CACNA1E: variants seen among roughly 807,000 people sequenced by gnomAD.
CACNA1E encodes the protein voltage-dependent R-type calcium channel subunit alpha-1E.
Under a neutral mutation model 259.2 loss-of-function variants are expected in CACNA1E, and 40 were observed. That is an observed-to-expected ratio of 0.15 (90% CI 0.12 to 0.20). CACNA1E has a LOEUF of 0.20. Among genes scored for constraint, CACNA1E ranks in the 10% least tolerant of loss-of-function variants. CACNA1E has a pLI of 1.00. For synonymous variants in CACNA1E, 1,104 were observed against 1,138.5 expected (o/e 0.97, Z 0.61); for missense variants, 1,874 against 3,040.1 (o/e 0.62, Z 9.02).
chr1:181,548,794 C>T (rs1041513001), intron 3 of CACNA1E, among the ~76,000 whole-genome samples: 2 of 152,210 alleles, frequency 1.3e-5, no homozygotes, highest in African/African-American at 2.4e-5. Context: ...AACCACATCT[C>T]AAAACCAAAT....
At chr1:181,462,054 G>C (rs1661855154) in intron 2 of CACNA1E, among the ~76,000 whole-genome samples, 1 of 152,108 alleles carries the variant, frequency 6.6e-6, no homozygotes, top group African/African-American at 2.4e-5. Flanking sequence ...ATTATGAACA[G>C]TGTACTGTGT....
At chr1:181,577,987 A>T (rs1032802697) in intron 4 of CACNA1E, 118 bp downstream of exon 4, 1 of 613,842 alleles carries the variant, frequency 1.6e-6, no homozygotes, top group Non-Finnish European at 2.9e-6. Flanking sequence ...AGGAAGCCTC[A>T]GTGGTAATAA....
At chr1:181,383,341 G>C (rs541913223) in intron 1 of CACNA1E, among the ~76,000 whole-genome samples, 1 of 152,228 alleles carries the variant, frequency 6.6e-6, no homozygotes, top group Non-Finnish European at 1.5e-5. Flanking sequence ...TCCTTTGGAT[G>C]TGGTAGGTGC....
chr1:181,780,173 T>C (rs1660302613), intron 38 of CACNA1E, among the ~76,000 whole-genome samples: 1 of 152,144 alleles, frequency 6.6e-6, no homozygotes, highest in East Asian at 1.9e-4. Context: ...AAGGTAGTAA[T>C]AGCTCAGAGA....
chr1:181,372,874 C>T lies in CACNA1E; in HGVS notation c.-14-40259C>T, dbSNP rs1654804687. 2.7e-5 allele frequency among the ~76,000 whole-genome samples: 4 copies of T among 150,554 alleles called. No individual in the cohort carries two copies. The South Asian group carries it at 8.3e-4, about 31-fold the overall frequency. On this transcript the variant is annotated intron_variant, in intron 1 of 11. Transcript: ENST00000524607. ...GATATTGAATATTATCAAAAGCCAT[C>T]TCTGTGTCTATTGAGATGATCATGT...
At chr1:181,728,341 G>T (rs919846990) in intron 18 of CACNA1E, among the ~76,000 whole-genome samples, 3 of 152,212 alleles carry the variant, frequency 2.0e-5, no homozygotes, top group African/African-American at 7.2e-5. Flanking sequence ...TGAAATGTGG[G>T]TAGGCACAGG....
chr1:181,442,156 G>C (rs1660519006), intron 2 of CACNA1E, among the ~76,000 whole-genome samples: 1 of 152,072 alleles, frequency 6.6e-6, no homozygotes, highest in Admixed American at 6.6e-5. Context: ...GAAGGGTACA[G>C]GTGTGAAGGG....
rs1486262109 is a variant in CACNA1E at position 181,759,124 on chromosome 1, G to C, written c.4605+256G>C. Reference sequence around the variant, plus strand: ...GCAGTCCAGAGGCGGCCATCATTGAGTTTCACTAGAACTGCAATTTATGTG... The same window carrying C: ...GCAGTCCAGAGGCGGCCATCATTGACTTTCACTAGAACTGCAATTTATGTG... On this transcript the variant is annotated intron_variant, in intron 32 of 47. Coordinates refer to ENST00000367573, the MANE Select transcript of CACNA1E (RefSeq NM_001205293.3). Among the ~76,000 whole-genome samples the C allele has an allele frequency of 2.6e-5, 4 of 152,328 alleles. No homozygotes were observed. The East Asian group carries it at 5.8e-4, about 22-fold the overall frequency.
intron 3 of CACNA1E, among the ~76,000 whole-genome samples, chr1:181,560,401 T>C (rs1000135343): frequency 6.6e-6 from 1 of 152,220 alleles, no homozygotes; most frequent in African/African-American, 2.4e-5. Context: ...TTTTTTTCCT[T>C]TTGAATGTAT....
intron 37 of CACNA1E, among the ~76,000 whole-genome samples, chr1:181,772,661 C>T (rs1659622579): frequency 6.6e-6 from 1 of 151,994 alleles, no homozygotes; most frequent in Non-Finnish European, 1.5e-5. Context: ...TTTTGAACTG[C>T]TTGAGAAAAG....
At chr1:181,336,016 C>G (rs1379582148) in intron 1 of CACNA1E, among the ~76,000 whole-genome samples, 1 of 152,184 alleles carries the variant, frequency 6.6e-6, no homozygotes, top group Non-Finnish European at 1.5e-5. Context: ...TCAGGATAGT[C>G]CCTTCTATTT....
chr1:181,472,048 G>GAC (rs369040391), intron 2 of CACNA1E, among the ~76,000 whole-genome samples: 6 of 151,974 alleles, frequency 3.9e-5, no homozygotes, highest in Admixed American at 1.3e-4. Flanking sequence ...GGTGTATGTA[G>GAC]ACACACACAC....
intron 1 of CACNA1E, among the ~76,000 whole-genome samples, chr1:181,362,648 T>C (rs1264251742): frequency 2.0e-5 from 3 of 152,228 alleles, no homozygotes; most frequent in East Asian, 3.8e-4. Context: ...CCTGACTATC[T>C]AAAGTTTGCC....
intron 1 of CACNA1E, among the ~76,000 whole-genome samples, chr1:181,497,274 T>G (rs1401757211): frequency 2.0e-5 from 3 of 152,180 alleles, no homozygotes; most frequent in African/African-American, 7.2e-5. Flanking sequence ...GTAGACAGGC[T>G]CAGGAGAGCA....
rs60302499 is a variant in CACNA1E, at chr1:181,596,557, C to CGTGTGTGTGTGTGTGTGT, written c.951+15804_951+15821dup. On this transcript the variant is annotated intron_variant, in intron 6 of 47. Coordinates refer to ENST00000367573, the MANE Select transcript of CACNA1E (RefSeq NM_001205293.3). Reference sequence around the variant, plus strand: ...AGAGTAGTCTTCCACCCACCATGTACGTGTGTGTGTGTGTGTGTGTGTGTG... The same window carrying CGTGTGTGTGTGTGTGTGT: ...AGAGTAGTCTTCCACCCACCATGTACGTGTGTGTGTGTGTGTGTGTGTGTGTGTGTGTGTGTGTGTGTG... Among the ~76,000 whole-genome samples the CGTGTGTGTGTGTGTGTGT allele has an allele frequency of 9.2e-4, 129 of 140,590 alleles. 1 individual carries two copies. The highest frequency in any genetic ancestry group is 2.7e-3 in the Admixed American group (39 of 14,306). 92.2% of individuals were successfully genotyped at this position (140,590 alleles called of 152,430 possible). A position where few individuals can be genotyped will look rare whatever the true frequency, so the allele number is the denominator to read the frequency against.
chr1:181,788,373 G>A (rs541738729), intron 43 of CACNA1E, among the ~76,000 whole-genome samples: 1 of 152,324 alleles, frequency 6.6e-6, no homozygotes, highest in Non-Finnish European at 1.5e-5. Context: ...TAGGGGTATA[G>A]TGGTAGACAT....
In CACNA1E at chr1:181,755,220, GTT is replaced by G. The variant is rs1392991115; in HGVS notation, c.3829-15_3829-14del. The stretch of plus-strand genomic sequence containing the variant: ...ATCACAGGGTTCACACAGCAGGGCT[GTT>G]TGCTCTGTCCACAGGCCGTCTTCGA... On this transcript the variant is annotated splice_polypyrimidine_tract_variant and intron_variant, in intron 27 of 47. Coordinates refer to ENST00000367573, the MANE Select transcript of CACNA1E (RefSeq NM_001205293.3). 2 of 1,609,680 alleles carry G rather than the reference GTT, an allele frequency of 1.2e-6. No homozygotes were observed. The highest frequency in any genetic ancestry group is 2.7e-5 in the African/African-American group (2 of 74,860).
At chr1:181,369,987 C>T (rs1322757708) in intron 1 of CACNA1E, among the ~76,000 whole-genome samples, 5 of 151,174 alleles carry the variant, frequency 3.3e-5, no homozygotes, top group African/African-American at 9.7e-5. Flanking sequence ...CTGGTGTCTG[C>T]TCTTCCCTTC....
chr1:181,675,569 A>C (rs980421204), intron 7 of CACNA1E, among the ~76,000 whole-genome samples: 2 of 152,242 alleles, frequency 1.3e-5, no homozygotes, highest in African/African-American at 4.8e-5. Context: ...TCTAGTTGCC[A>C]TGACAACATA....
Sources: gnomAD v4.1 joint callset for allele counts (sites outside exome capture counted in the v4.1 genomes callset) on GRCh38, gnomAD v4.1.1 for gene constraint, MANE v1.5 for transcripts, NCBI Gene and HGNC (gene_info 2026-07-23, HGNC 2026-07-21) for gene names.